The following SFT2D1 variants were observed in gnomAD, a reference collection of about 807,000 sequenced individuals.
SFT2D1 encodes the protein SFT2 domain containing 1, also known as vesicle transport protein SFT2A.
SFT2D1 carries 24 observed loss-of-function variants against 28.1 expected under a neutral mutation model. The ratio of observed to expected loss-of-function variants is 0.85; its 90% confidence interval spans 0.62 to 1.20. The LOEUF is 1.20. SFT2D1 is among the 50% of genes most tolerant of loss of function. The probability of loss-of-function intolerance (pLI) is 0.00; values close to 1 mark genes in which losing one functional copy is unlikely to be tolerated. For synonymous variants in SFT2D1, 82 were observed against 73.7 expected (o/e 1.11, Z -0.58); for missense variants, 181 against 190.9 (o/e 0.95, Z 0.31).
chr6:166,325,191 C>A (rs947246159), intron 5 of SFT2D1, among the ~76,000 whole-genome samples: 1 of 151,948 alleles, frequency 6.6e-6, no homozygotes, highest in Non-Finnish European at 1.5e-5. Flanking sequence ...TAGAGAGGTG[C>A]AAGTTAAGAA....
Position 166,324,812 on chromosome 6 carries a change from C to A in SFT2D1, c.352-217G>T. The A allele has an allele frequency of 9.5e-6, 5 of 529,088 alleles. No homozygotes were observed. In the South Asian group the frequency reaches 1.3e-4, roughly 13 times the overall value. 32.8% of individuals were successfully genotyped at this position (529,088 alleles called of 1,614,324 possible). Reference sequence around the variant, plus strand: ...ACTATATCCATTAATTTAAATACTGCAAAATATATGACTTTAAATAAACGT... The same window carrying A: ...ACTATATCCATTAATTTAAATACTGAAAAATATATGACTTTAAATAAACGT... On this transcript the variant is annotated intron_variant, in intron 5 of 7. Transcript: ENST00000361731.
chr6:166,337,538 C>T (rs747975132), intron 1 of SFT2D1, among the ~76,000 whole-genome samples: 12 of 152,074 alleles, frequency 7.9e-5, no homozygotes, highest in South Asian at 2.1e-4. Context: ...TTAGCTCCTT[C>T]TACCTGGAAA....
chr6:166,334,624 G>A (rs534665347), intron 1 of SFT2D1: 57 of 191,848 alleles, frequency 3.0e-4, no homozygotes, highest in Non-Finnish European at 4.5e-4. Context: ...CTGGAGGGCC[G>A]ACTGTGGAAT....
chr6:166,322,094 G>C (rs1473775197), intron 7 of SFT2D1, among the ~76,000 whole-genome samples: 1 of 152,142 alleles, frequency 6.6e-6, no homozygotes, highest in Non-Finnish European at 1.5e-5. Context: ...TGTTGGCCAG[G>C]CTGGTCTTGA....
In SFT2D1 at chr6:166,330,212, T is replaced by C. The variant is rs375032637; in HGVS notation, c.99A>G (p.Arg33=). 92 of 1,607,064 alleles carry C rather than the reference T, an allele frequency of 5.7e-5. No homozygotes were observed. The highest frequency in any genetic ancestry group is 7.6e-5 in the Non-Finnish European group (89 of 1,177,870). The change falls in exon 2 of 8, where the codon AGA becomes AGG. Residue 33 remains arginine (R), a synonymous_variant. Transcript: ENST00000361731. ...LDASSLSFNT[R]LKWFAICFVC... Reference sequence around the variant, plus strand: ...CGAAGCAGATGGCAAACCATTTCAATCTGGTGTTGAAACTAAGGGATGAGG... The same window carrying C: ...CGAAGCAGATGGCAAACCATTTCAACCTGGTGTTGAAACTAAGGGATGAGG...
At chr6:166,338,093 CTGT>C (rs1354901775) in intron 1 of SFT2D1, among the ~76,000 whole-genome samples, 4 of 152,184 alleles carry the variant, frequency 2.6e-5, no homozygotes, top group Non-Finnish European at 5.9e-5. Context: ...AAATAAATTT[CTGT>C]TGTTTATAAA....
rs2114884856 is a variant in SFT2D1, at chr6:166,320,061, G to A, written c.*156C>T. On this transcript the variant is annotated 3_prime_UTR_variant, in exon 8 of 8. Coordinates refer to ENST00000361731, the MANE Select transcript of SFT2D1 (RefSeq NM_145169.3). ...TACAAGCATTTAATGGTTTAATCAA[G>A]CATGTAGTTTTTACCAGTATACAAA... 3.2e-6 allele frequency: 2 copies of A among 619,030 alleles called. No homozygotes were observed. Among genetic ancestry groups the A allele is most frequent in the Admixed American group, 3.5e-5 (1 of 28,248 alleles). 38.3% of individuals were successfully genotyped at this position (619,030 alleles called of 1,614,324 possible).
chr6:166,332,181 T>C (rs905192399), intron 1 of SFT2D1, among the ~76,000 whole-genome samples: 3 of 152,232 alleles, frequency 2.0e-5, no homozygotes, highest in African/African-American at 7.2e-5. Flanking sequence ...TGACTCCTAA[T>C]TGGGAAAACT....
chr6:166,340,322 C>T (rs1438641095), intron 1 of SFT2D1, among the ~76,000 whole-genome samples: 1 of 152,224 alleles, frequency 6.6e-6, no homozygotes, highest in East Asian at 1.9e-4. Context: ...CCTTTAAAAT[C>T]CAAGTCGGTC....
chr6:166,335,504 T>C, intron 1 of SFT2D1: 1 of 495,964 alleles, frequency 2.0e-6, no homozygotes, highest in South Asian at 1.6e-5. Context: ...CCAAGGTGGC[T>C]ACGGTGGTTC....
At chr6:166,324,753 C>T (rs1043674865) in intron 5 of SFT2D1, 158 bp from the exon 6 acceptor site, 2 of 650,716 alleles carry the variant, frequency 3.1e-6, no homozygotes, top group Non-Finnish European at 5.1e-6. Context: ...TGATCTGAAA[C>T]TTTAAAACCC....
intron 5 of SFT2D1, 50 bp downstream of exon 5, chr6:166,326,082 G>C: frequency 6.5e-7 from 1 of 1,532,538 alleles, no homozygotes; most frequent in Non-Finnish European, 9.0e-7. Flanking sequence ...CGTCAGCTGG[G>C]GTGGGGGGCA....
chr6:166,329,364 C>T, intron 3 of SFT2D1, 143 bp downstream of exon 3: 1 of 641,508 alleles, frequency 1.6e-6, no homozygotes, highest in Admixed American at 2.7e-5. Context: ...GCAGTCAATA[C>T]ATATTTATTT....
intron 4 of SFT2D1, among the ~76,000 whole-genome samples, chr6:166,326,795 T>A (rs930382412): frequency 2.0e-5 from 3 of 152,232 alleles, no homozygotes; most frequent in African/African-American, 7.2e-5. Context: ...GTTCCCACGT[T>A]CTCTCAACAT....
chr6:166,320,627 C>T (rs1778335018), intron 7 of SFT2D1, among the ~76,000 whole-genome samples: 1 of 151,968 alleles, frequency 6.6e-6, no homozygotes, highest in Non-Finnish European at 1.5e-5. Context: ...GCAGATCCTC[C>T]CACCTCAGCC....
intron 3 of SFT2D1, 151 bp downstream of exon 3, chr6:166,329,356 A>G (rs1023009791): frequency 4.9e-6 from 3 of 607,594 alleles, no homozygotes; most frequent in Admixed American, 5.8e-5. Flanking sequence ...ATACAGCAGC[A>G]GTCAATACAT....
Sources: gnomAD v4.1 joint callset for allele counts (sites outside exome capture counted in the v4.1 genomes callset) on GRCh38, gnomAD v4.1.1 for gene constraint, MANE v1.5 for transcripts, NCBI Gene and HGNC (gene_info 2026-07-23, HGNC 2026-07-21) for gene names.